Variants in PKNOX2 observed in about 807,000 individuals in gnomAD.
PKNOX2 encodes the protein homeobox protein PKNOX2.
PKNOX2 carries 14 observed loss-of-function variants against 53.1 expected under a neutral mutation model. The observed-to-expected ratio is 0.26, with a 90% CI of 0.17 to 0.41. PKNOX2 has a LOEUF of 0.41. Among genes scored for constraint, PKNOX2 ranks in the 10% least tolerant of loss-of-function variants. The pLI is 1.00. For synonymous variants in PKNOX2, 257 were observed against 242.8 expected (o/e 1.06, Z -0.54); for missense variants, 496 against 602.8 (o/e 0.82, Z 1.85).
intron 2 of PKNOX2, among the ~76,000 whole-genome samples, chr11:125,301,649 C>T (rs181885778): frequency 6.6e-6 from 1 of 151,908 alleles, no homozygotes; most frequent in Admixed American, 6.6e-5. Context: ...TTCCAAACAG[C>T]CCTGGAAATG....
intron 2 of PKNOX2, 119 bp from the exon 3 acceptor site, chr11:125,331,700 A>G (rs1345222614): frequency 6.6e-6 from 1 of 152,552 alleles, no homozygotes; most frequent in Non-Finnish European, 1.5e-5. Context: ...AAATTACAGA[A>G]TAGAGGACAT....
intron 1 of PKNOX2, among the ~76,000 whole-genome samples, chr11:125,227,183 G>A (rs61912974): frequency 0.023 from 3,462 of 152,138 alleles, 60 homozygotes; most frequent in Middle Eastern, 0.048. Context: ...GACACCCTGC[G>A]CTGGCTGTCC....
intron 1 of PKNOX2, among the ~76,000 whole-genome samples, chr11:125,196,402 G>A (rs983439814): frequency 7.9e-5 from 12 of 152,164 alleles, no homozygotes; most frequent in East Asian, 1.9e-4. Context: ...CCGGGACACC[G>A]TCTTCTGTTG....
intron 2 of PKNOX2, chr11:125,287,697 G>A (rs1226106210): frequency 6.6e-5 from 10 of 152,304 alleles, no homozygotes; most frequent in Admixed American, 6.5e-4. Flanking sequence ...TCAGTCTTCT[G>A]GGGAACAAAT....
intron 2 of PKNOX2, among the ~76,000 whole-genome samples, chr11:125,287,145 CA>C (rs1367689467): frequency 6.6e-6 from 1 of 152,170 alleles, no homozygotes; most frequent in Non-Finnish European, 1.5e-5. Context: ...TTATTATCCC[CA>C]TTTTGTAGAT....
rs1324941087 is a variant in PKNOX2 at position 125,411,750 on chromosome 11, A to G, written c.821A>G (p.Asn274Ser). The change falls in exon 10 of 13, where the codon AAC (asparagine) becomes AGC (serine). Residue 274 changes from asparagine (N) to serine (S), a missense_variant. Asn to Ser is a conservative substitution (Grantham distance 46, BLOSUM62 1). Transcript: ENST00000298282. The part of the protein sequence containing the change: ...GAIQIQNTQV[N>S]LDLTSLLDNE... ...TTCTCTCCACGTGCCCTGAAGGTTA[A>G]CCTTGACCTCACCTCCCTCCTGGAC... The G allele has an allele frequency of 1.2e-6, 2 of 1,614,004 alleles. No individual in the cohort carries two copies. The highest frequency in any genetic ancestry group is 4.5e-5 in the East Asian group (2 of 44,866).
intron 9 of PKNOX2, 192 bp from the exon 10 acceptor site, chr11:125,411,554 C>T: frequency 1.7e-6 from 1 of 574,360 alleles, no homozygotes; most frequent in Non-Finnish European, 3.0e-6. Flanking sequence ...TTCCCTTCTC[C>T]CATCACCCAA....
At chr11:125,178,390 A>G (rs1485449019) in intron 1 of PKNOX2, among the ~76,000 whole-genome samples, 1 of 151,674 alleles carries the variant, frequency 6.6e-6, no homozygotes, top group Non-Finnish European at 1.5e-5. Context: ...ACATGCCTGT[A>G]ATCCCAGCTA....
At chr11:125,353,207 T>C (rs2136211190) in intron 4 of PKNOX2, among the ~76,000 whole-genome samples, 1 of 152,298 alleles carries the variant, frequency 6.6e-6, no homozygotes, top group African/African-American at 2.4e-5. Context: ...AGGTGGTAGC[T>C]GCCAAGGCCC....
intron 1 of PKNOX2, among the ~76,000 whole-genome samples, chr11:125,234,139 A>G (rs1942470964): frequency 6.6e-6 from 1 of 152,060 alleles, no homozygotes; most frequent in African/African-American, 2.4e-5. Context: ...CCAAGATCCC[A>G]TTCAAATTCC....
chr11:125,325,231 C>T (rs992861694), intron 2 of PKNOX2, among the ~76,000 whole-genome samples: 1 of 152,202 alleles, frequency 6.6e-6, no homozygotes, highest in Non-Finnish European at 1.5e-5. Context: ...TCTGGCATTC[C>T]TGCTTATCCG....
chr11:125,356,368 G>C (rs1249132788), intron 4 of PKNOX2, among the ~76,000 whole-genome samples: 1 of 152,218 alleles, frequency 6.6e-6, no homozygotes, highest in East Asian at 1.9e-4. Context: ...AAGGGTTTGG[G>C]AAGTTCACCA....
intron 3 of PKNOX2, among the ~76,000 whole-genome samples, 171 bp downstream of exon 3, chr11:125,332,096 G>C (rs1375163700): frequency 6.6e-6 from 1 of 152,174 alleles, no homozygotes; most frequent in Admixed American, 6.5e-5. Flanking sequence ...CACCTCCTTA[G>C]CTCCTTGAGG....
Position 125,169,054 on chromosome 11 carries a change from G to A in PKNOX2, c.-201+4278G>A, listed in dbSNP as rs77164592. Among the ~76,000 whole-genome samples the A allele has an allele frequency of 4.3e-4, 65 of 152,196 alleles. 1 individual carries two copies. The highest frequency in any genetic ancestry group is 1.4e-3 in the African/African-American group (60 of 41,514). On this transcript the variant is annotated intron_variant, in intron 1 of 12. Coordinates refer to ENST00000298282, the MANE Select transcript of PKNOX2 (RefSeq NM_001382323.2). ...TGTTATGAGTTTTCCTTTTTCCTAC[G>A]CTGTGTGGCACAAGGACTGCGATGC...
At chr11:125,174,381 G>A (rs11219944) in intron 1 of PKNOX2, among the ~76,000 whole-genome samples, 39,917 of 152,050 alleles carry the variant, frequency 0.26, 5,435 homozygotes, top group Non-Finnish European at 0.3. Context: ...CAAACAAAAC[G>A]CATGTGAAAT....
chr11:125,233,946 G>T (rs1942453016), intron 1 of PKNOX2, among the ~76,000 whole-genome samples: 2 of 152,310 alleles, frequency 1.3e-5, no homozygotes, highest in African/African-American at 4.8e-5. Context: ...ACCCCTGGAT[G>T]CTCTGGCCCC....
At chr11:125,201,665 A>AT (rs1938456178) in intron 1 of PKNOX2, among the ~76,000 whole-genome samples, 1 of 151,884 alleles carries the variant, frequency 6.6e-6, no homozygotes, top group African/African-American at 2.4e-5. Flanking sequence ...GAAAATGGTG[A>AT]TTTTTCATCC....
chr11:125,311,381 A>G (rs1392825457), intron 2 of PKNOX2, among the ~76,000 whole-genome samples: 3 of 152,194 alleles, frequency 2.0e-5, no homozygotes, highest in Non-Finnish European at 4.4e-5. Flanking sequence ...TGCGAGCGAT[A>G]CAAAAGGGAA....
At chr11:125,212,437 T>C (rs989865347) in intron 1 of PKNOX2, among the ~76,000 whole-genome samples, 11 of 145,446 alleles carry the variant, frequency 7.6e-5, no homozygotes, top group African/African-American at 2.8e-4. Context: ...GACAGAAGAA[T>C]AGGAGGGGAT....
Sources: allele counts gnomAD v4.1 joint callset (sites outside exome capture counted in the v4.1 genomes callset), GRCh38; gene constraint gnomAD v4.1.1; transcripts MANE v1.5; gene names NCBI Gene and HGNC (gene_info 2026-07-23, HGNC 2026-07-21).